Variants in CES2 observed in about 807,000 individuals in gnomAD.
CES2 encodes the protein cocaine esterase.
CES2 carries 42 observed loss-of-function variants against 52.1 expected under a neutral mutation model. The ratio of observed to expected loss-of-function variants is 0.81; its 90% confidence interval spans 0.63 to 1.04. CES2 has a LOEUF of 1.04. Ranked by LOEUF, CES2 falls within the 50% of genes least tolerant of loss-of-function variation. CES2 has a pLI of 0.00. For synonymous variants in CES2, 277 were observed against 289.6 expected (o/e 0.96, Z 0.44); for missense variants, 656 against 724.3 (o/e 0.91, Z 1.08).
chr16:66,937,973 C>A, intron 1 of CES2, 64 bp from the exon 2 acceptor site: 1 of 1,361,724 alleles, frequency 7.3e-7, no homozygotes, highest in Non-Finnish European at 1.0e-6. Flanking sequence ...AGCAGCAATA[C>A]CAACAGTTGG....
rs370467461 is a variant in CES2 at position 66,939,211 on chromosome 16, T to A, written c.282-6T>A. 11 of 1,613,600 alleles carry A rather than the reference T, an allele frequency of 6.8e-6. No homozygotes were observed. The highest frequency in any genetic ancestry group is 9.3e-6 in the Non-Finnish European group (11 of 1,179,794). On this transcript the variant is annotated splice_polypyrimidine_tract_variant and splice_region_variant and intron_variant, in intron 2 of 11. Transcript: ENST00000317091. ...CCCTGGACTGATTATTTGCCCTGGT[T>A]ACCAGGTGTCTACAGGACCTCACCG...
chr16:66,940,570 G>A lies in CES2; in HGVS notation c.691G>A (p.Gly231Ser). Reference protein sequence around the residue: ...RVTIFGESAGGTSVSSLVVSP... With the variant: ...RVTIFGESAGSTSVSSLVVSP... ...CACCATTTTTGGCGAGTCTGCGGGT[G>A]GCACGAGTGTGTCTTCGCTTGTTGT... is the stretch of plus-strand genomic sequence containing the variant. The change falls in exon 5 of 12, where the codon GGC becomes AGC. Residue 231 changes from glycine (G) to serine (S), a missense_variant. Coordinates refer to ENST00000317091, the MANE Select transcript of CES2 (RefSeq NM_001365405.1). The A allele has an allele frequency of 6.2e-7, 1 of 1,614,256 alleles. No homozygotes were observed. Among genetic ancestry groups the A allele is most frequent in the Non-Finnish European group, 8.5e-7 (1 of 1,180,040 alleles).
chr16:66,935,229 C>G (rs538910698), upstream of CES2: 4 of 539,790 alleles, frequency 7.4e-6, no homozygotes, highest in Admixed American at 6.3e-5. Context: ...CAGAGAAGCC[C>G]TCCTGGGGTC....
Position 66,941,647 on chromosome 16 carries a change from G to C in CES2, c.1056+1G>C, listed in dbSNP as rs1403167585. The C allele has an allele frequency of 1.2e-6, 2 of 1,613,884 alleles. No homozygotes were observed. Among genetic ancestry groups the C allele is most frequent in the Admixed American group, 3.3e-5 (2 of 59,990 alleles). The stretch of plus-strand genomic sequence containing the variant: ...TGAATTCGGCTGGCTCATCCCCAAG[G>C]TGAGCCCCAACCCAAGCCCACAAGT... On this transcript the variant is annotated splice_donor_variant, in intron 7 of 11. Coordinates refer to ENST00000317091, the MANE Select transcript of CES2 (RefSeq NM_001365405.1). LOFTEE classifies it high-confidence loss of function.
upstream of CES2, chr16:66,935,272 TC>T (rs995048332): frequency 7.5e-6 from 5 of 669,414 alleles, no homozygotes; most frequent in Non-Finnish European, 1.3e-5. Flanking sequence ...CTCCTATCGA[TC>T]CCCCAGCGCG....
rs550174367 is a variant in CES2, at chr16:66,935,558, T to G, written c.-78T>G. The G allele has an allele frequency of 1.9e-6, 3 of 1,613,910 alleles. No individual in the cohort carries two copies. Among genetic ancestry groups the G allele is most frequent in the Admixed American group, 1.7e-5 (1 of 60,016 alleles). Reference sequence around the variant, plus strand: ...AAGGCTGGGCAAGGCACTGATCCACTGCTGGACAGACCCGGGGCAGCCTCT... The same window carrying G: ...AAGGCTGGGCAAGGCACTGATCCACGGCTGGACAGACCCGGGGCAGCCTCT... On this transcript the variant is annotated 5_prime_UTR_variant, in exon 1 of 12. Transcript: ENST00000317091.
chr16:66,939,472 C>G, intron 3 of CES2, 114 bp downstream of exon 3: 5 of 1,162,340 alleles, frequency 4.3e-6, no homozygotes, highest in Non-Finnish European at 6.2e-6. Flanking sequence ...TGAGAAGCTT[C>G]TCACTGTCAG....
chr16:66,938,266 A>C, intron 2 of CES2, 25 bp downstream of exon 2: 1 of 1,554,610 alleles, frequency 6.4e-7, no homozygotes. Context: ...GGGTCCAGGG[A>C]ACTCCAGGCC....
chr16:66,941,808 A>T lies in CES2; in HGVS notation c.1097A>T (p.Glu366Val). The T allele has an allele frequency of 2.5e-6, 4 of 1,614,128 alleles. No homozygotes were observed. The highest frequency in any genetic ancestry group is 2.7e-5 in the African/African-American group (2 of 75,026). ...IYDTQKEMDREASQAALQKML... is the reference protein window; with the variant it reads ...IYDTQKEMDRVASQAALQKML... Reference sequence around the variant, plus strand: ...GATACCCAGAAGGAAATGGACAGAGAGGCCTCCCAGGCTGCTCTGCAGAAA... The same window carrying T: ...GATACCCAGAAGGAAATGGACAGAGTGGCCTCCCAGGCTGCTCTGCAGAAA... The change falls in exon 8 of 12, where the codon GAG (glutamate) becomes GTG (valine). Residue 366 changes from glutamate to valine, a missense_variant. By Grantham distance (121) the Glu-to-Val change is moderately radical (BLOSUM62 -2). Coordinates refer to ENST00000317091, the MANE Select transcript of CES2 (RefSeq NM_001365405.1).
intron 9 of CES2, 126 bp from the exon 10 acceptor site, chr16:66,942,522 C>T: frequency 9.3e-7 from 1 of 1,072,966 alleles, no homozygotes; most frequent in Non-Finnish European, 1.3e-6. Flanking sequence ...CCTGCCCCAG[C>T]CTGGGGCTCC....
chr16:66,943,550 C>T lies in CES2; in HGVS notation c.1493+179C>T. 1.5e-6 allele frequency: 1 copy of T among 651,538 alleles called. No homozygotes were observed. The highest frequency in any genetic ancestry group is 2.8e-5 in the East Asian group (1 of 36,186). 40.4% of individuals were successfully genotyped at this position (651,538 alleles called of 1,614,324 possible). On this transcript the variant is annotated intron_variant, in intron 11 of 11. Coordinates refer to ENST00000317091, the MANE Select transcript of CES2 (RefSeq NM_001365405.1). This position sits in a 1 kb window ranked among gnomAD's most constrained non-coding sequence, Gnocchi z 4.2. ...GGGTGCGTGGGGCAGTGGACACGCT[C>T]TATCTCTCCAGTCTACCTGGAGGGT...
At chr16:66,938,971 C>T (rs915698864) in intron 2 of CES2, among the ~76,000 whole-genome samples, 5 of 152,240 alleles carry the variant, frequency 3.3e-5, no homozygotes, top group African/African-American at 4.8e-5. Context: ...TCAAGGTTTC[C>T]GGCAGTGCGA....
At chr16:66,939,085 T>G (rs1963289519) in intron 2 of CES2, 132 bp from the exon 3 acceptor site, 2 of 740,020 alleles carry the variant, frequency 2.7e-6, no homozygotes, top group Non-Finnish European at 4.4e-6. Context: ...TGGGAAGGGA[T>G]TTTTGAGAGG....
chr16:66,934,822 G>C (rs1252061234), upstream of CES2: 1 of 167,894 alleles, frequency 6.0e-6, no homozygotes, highest in Non-Finnish European at 1.3e-5. This position sits in a 1 kb window ranked among gnomAD's most constrained non-coding sequence, Gnocchi z 4.1. Flanking sequence ...CCATAGGCCC[G>C]GGAGTACGGC....
rs28382826 is a variant in CES2 at position 66,943,220 on chromosome 16, G to C, written c.1421-79G>C. 34 of 1,472,026 alleles carry C rather than the reference G, an allele frequency of 2.3e-5. No individual in the cohort carries two copies. Among genetic ancestry groups the C allele is most frequent in the Non-Finnish European group, 3.1e-5 (33 of 1,062,848 alleles). The allele number at this position is 1,472,026 out of a possible 1,614,324, so 91.2% of individuals were successfully genotyped here. ...AAGCAGGACTGGGGACCGAGGTCTC[G>C]GGGGCCAAGGACGAGCTCCACCTGG... On this transcript the variant is annotated intron_variant, in intron 10 of 11. Coordinates refer to ENST00000317091, the MANE Select transcript of CES2 (RefSeq NM_001365405.1). This position sits in a 1 kb window ranked among gnomAD's most constrained non-coding sequence, Gnocchi z 4.2.
rs1963436352 is a variant in CES2 at position 66,944,195 on chromosome 16, A to G, written c.*170A>G. On this transcript the variant is annotated 3_prime_UTR_variant, in exon 12 of 12. Coordinates refer to ENST00000317091, the MANE Select transcript of CES2 (RefSeq NM_001365405.1). ...GCATTTATTAAGAATTTACTCAGGC[A>G]TGATGGCCCATACTTGTAATCCCAG... 2.2e-6 allele frequency: 1 copy of G among 457,304 alleles called. No homozygotes were observed. The highest frequency in any genetic ancestry group is 3.9e-6 in the Non-Finnish European group (1 of 258,038). The allele number at this position is 457,304 out of a possible 1,614,324, so 28.3% of individuals were successfully genotyped here.
chr16:66,942,410 C>G, intron 9 of CES2, 161 bp downstream of exon 9: 1 of 866,104 alleles, frequency 1.2e-6, no homozygotes. Flanking sequence ...GCCCAAGAAT[C>G]CGACATTTCC....
intron 3 of CES2, 122 bp downstream of exon 3, chr16:66,939,480 C>A: frequency 9.4e-7 from 1 of 1,062,264 alleles, no homozygotes; most frequent in Non-Finnish European, 1.4e-6. Context: ...TTCTCACTGT[C>A]AGGTCCAAGA....
intron 10 of CES2, 70 bp downstream of exon 10, chr16:66,942,855 C>T (rs922108681): frequency 6.2e-7 from 1 of 1,605,620 alleles, no homozygotes; most frequent in South Asian, 1.1e-5. Context: ...GATTGATTGT[C>T]CTCACTGCCC....
Sources: allele counts gnomAD v4.1 joint callset (sites outside exome capture counted in the v4.1 genomes callset), GRCh38; gene constraint gnomAD v4.1.1; non-coding constraint Gnocchi (gnomAD v3.1); transcripts MANE v1.5; gene names NCBI Gene and HGNC (gene_info 2026-07-23, HGNC 2026-07-21).